Variants in EPS8L3 observed in about 807,000 individuals in gnomAD.
The protein encoded by EPS8L3 is EPS8 signaling adaptor L3, also known as epidermal growth factor receptor kinase substrate 8-like protein 3.
A neutral mutation model predicts 88.5 loss-of-function variants in EPS8L3; 80 were observed. The ratio of observed to expected loss-of-function variants is 0.90; its 90% CI spans 0.75 to 1.09. The LOEUF (loss-of-function observed/expected upper bound fraction) is 1.09. Among genes scored for constraint, EPS8L3 ranks in the 50% least tolerant of loss-of-function variants. The pLI, the probability that EPS8L3 is intolerant of heterozygous loss-of-function variation, is 0.00. For synonymous variants in EPS8L3, 286 were observed against 291.0 expected (o/e 0.98, Z 0.18); for missense variants, 721 against 735.2 (o/e 0.98, Z 0.22).
In EPS8L3 at chr1:109,757,671, G is replaced by A. The variant is rs950666452; in HGVS notation, c.895-116C>T. On this transcript the variant is annotated intron_variant, in intron 10 of 18. Coordinates refer to ENST00000361965, the MANE Select transcript of EPS8L3 (RefSeq NM_133181.4). ...CTGGCACTTCCCAAAAGTCCCAAGA[G>A]GGGAGGGGAGGTTCTAGGGGGAGTA... 6.8e-5 allele frequency: 94 copies of A among 1,384,908 alleles called. No homozygotes were observed. In the Admixed American group the frequency reaches 1.6e-3, roughly 23 times the overall value. The allele number at this position is 1,384,908 out of a possible 1,614,324, so 85.8% of individuals were successfully genotyped here.
chr1:109,753,094 G>A (rs1471152699), intron 13 of EPS8L3, 23 bp downstream of exon 13: 1 of 1,596,552 alleles, frequency 6.3e-7, no homozygotes, highest in Non-Finnish European at 8.6e-7. Context: ...TGTGGGTAGG[G>A]CTCTATGCCA....
chr1:109,758,406 C>T lies in EPS8L3; in HGVS notation c.627G>A (p.Leu209=), dbSNP rs1650524758. The T allele has an allele frequency of 3.1e-6, 5 of 1,610,538 alleles. No homozygotes were observed. The highest frequency in any genetic ancestry group is 1.7e-6 in the Non-Finnish European group (2 of 1,178,204). ...GTTCTCGGGCACTGGTGTGGCGTGG[C>T]AGGGGCCTTGGGGATGGTGGGAGGC... ...EHSLPPSPRP[L]PRHTSAREPS... Residue 209 remains leucine, a synonymous_variant, in exon 8 of 19, where the codon CTG becomes CTA. Transcript: ENST00000361965.
At chr1:109,751,574 C>T (rs1272139588) in intron 16 of EPS8L3, 80 bp downstream of exon 16, 4 of 1,596,794 alleles carry the variant, frequency 2.5e-6, no homozygotes, top group South Asian at 2.2e-5. Flanking sequence ...AGACTATCTC[C>T]TCTGCTTGCC....
rs1002905054 is a variant in EPS8L3 at position 109,759,957 on chromosome 1, G to A, written c.97-121C>T. On this transcript the variant is annotated intron_variant, in intron 3 of 18. Transcript: ENST00000361965. The surrounding 1 kb of genome is among the most constrained non-coding windows in gnomAD (Gnocchi z 4.2). ...TGTCCTCGGCCCCCTTGAGGTAGGA[G>A]GTTCCAGGCTTCAGATAAAGCAACT... 40 of 1,093,232 alleles carry A rather than the reference G, an allele frequency of 3.7e-5. No homozygotes were observed. The highest frequency in any genetic ancestry group is 4.3e-4 in the Middle Eastern group (2 of 4,664). 67.7% of individuals were successfully genotyped at this position (1,093,232 alleles called of 1,614,324 possible).
rs150739953 is a variant in EPS8L3, at chr1:109,761,737, T to C, written c.13A>G (p.Ser5Gly). The C allele has an allele frequency of 1.3e-4, 213 of 1,613,962 alleles. No homozygotes were observed. The African/African-American group carries it at 2.6e-3, about 19-fold the overall frequency. MSRP[S>G]SRAIYLHRKE... ...AGCTTACAGTAAATGGCTCTGCTGC[T>C]GGGCCTTGACATGTTGACGCTGCTG... Residue 5 changes from serine to glycine, a missense_variant, in exon 2 of 19, where the codon AGC (serine) becomes GGC (glycine). Physicochemically the swap from Ser to Gly is moderately conservative, Grantham distance 56. Coordinates refer to ENST00000361965, the MANE Select transcript of EPS8L3 (RefSeq NM_133181.4).
rs140652898 is a variant in EPS8L3 at position 109,756,066 on chromosome 1, A to G, written c.1118+951T>C. 5.3e-5 allele frequency among the ~76,000 whole-genome samples: 8 copies of G among 152,278 alleles called. No individual in the cohort carries two copies. The East Asian group carries it at 1.5e-3, about 29-fold the overall frequency. ...AAACTATGCTTGTCAAGGTACGTTC[A>G]GGGGCTCCCTCTGGAGTGCTCCCCA... On this transcript the variant is annotated intron_variant, in intron 12 of 18. Transcript: ENST00000361965.
chr1:109,752,439 A>G, intron 14 of EPS8L3: 2 of 601,594 alleles, frequency 3.3e-6, no homozygotes, highest in East Asian at 5.5e-5. Context: ...TGCCCTAAGC[A>G]CTTTATACTT....
At position 109,758,518 on chromosome 1, in the gene EPS8L3, A is replaced by T. The variant is rs1417523845; in HGVS notation, c.601+6T>A. On this transcript the variant is annotated splice_donor_region_variant and intron_variant, in intron 7 of 18. Transcript: ENST00000361965. ...TCCTTCACCTGCCCCCATGCCCCAA[A>T]CTTACTGTGCTCTAGGGTCCTCTGG... 6.3e-7 allele frequency: 1 copy of T among 1,576,600 alleles called. No homozygotes were observed. The highest frequency in any genetic ancestry group is 8.6e-7 in the Non-Finnish European group (1 of 1,161,828).
chr1:109,757,740 G>A, intron 10 of EPS8L3, 62 bp downstream of exon 10: 1 of 1,548,694 alleles, frequency 6.5e-7, no homozygotes. Flanking sequence ...CCAGACAGCA[G>A]AGGATTACTG....
In EPS8L3 at chr1:109,757,039, C is replaced by T. The variant is rs1301705227; in HGVS notation, c.1096G>A (p.Gly366Ser). 1.9e-6 allele frequency: 3 copies of T among 1,614,202 alleles called. No homozygotes were observed. The highest frequency in any genetic ancestry group is 2.2e-5 in the South Asian group (2 of 91,076). The change falls in exon 12 of 19, where the codon GGC becomes AGC. Residue 366 changes from glycine to serine, a missense_variant. Gly to Ser is a moderately conservative substitution (Grantham distance 56, BLOSUM62 0). Coordinates refer to ENST00000361965, the MANE Select transcript of EPS8L3 (RefSeq NM_133181.4). ...PPESNLWMGL[G>S]PAWTTSRADW... ...CACCGGCTAGTGGTCCAGGCTGGGCCCAACCCCATCCAAAGGTTACTCTCA... is the reference window on the plus strand; with the variant it reads ...CACCGGCTAGTGGTCCAGGCTGGGCTCAACCCCATCCAAAGGTTACTCTCA...
chr1:109,757,297 G>A (rs892409000), intron 11 of EPS8L3, 132 bp from the exon 12 acceptor site: 11 of 1,208,758 alleles, frequency 9.1e-6, no homozygotes, highest in Non-Finnish European at 1.1e-5. Context: ...GGCCCCATCT[G>A]CCTTGGGCCT....
Position 109,758,414 on chromosome 1 carries a change from T to G in EPS8L3, c.619A>C (p.Arg207=). The change falls in exon 8 of 19, where the codon AGG becomes CGG. Residue 207 remains arginine, a synonymous_variant. Transcript: ENST00000361965. ...TLEHSLPPSP[R]PLPRHTSARE... is the part of the protein sequence containing the mutation. ...GCACTGGTGTGGCGTGGCAGGGGCC[T>G]TGGGGATGGTGGGAGGCCTGCAGTG... The G allele has an allele frequency of 1.2e-6, 2 of 1,608,628 alleles. No individual in the cohort carries two copies. Among genetic ancestry groups the G allele is most frequent in the Non-Finnish European group, 1.7e-6 (2 of 1,177,188 alleles).
Position 109,759,679 on chromosome 1 carries a change from T to G in EPS8L3, c.254A>C (p.Lys85Thr), listed in dbSNP as rs780315221. ...ACTGGGTTTGCTGGGAAGGCTGACC[T>G]TGGTCTCAATGTCCAGCAGCTGCAG... is the stretch of plus-strand genomic sequence containing the variant. The part of the protein sequence containing the change: ...GWLQLLDIET[K>T]EELDSYRLDS... Residue 85 changes from lysine (K) to threonine (T), a missense_variant and splice_region_variant, in exon 4 of 19, where the codon AAG becomes ACG. Physicochemically the swap from Lys to Thr is moderately conservative, Grantham distance 78. Coordinates refer to ENST00000361965, the MANE Select transcript of EPS8L3 (RefSeq NM_133181.4). This position sits in a 1 kb window ranked among gnomAD's most constrained non-coding sequence, Gnocchi z 4.2. 1 of 1,613,504 alleles carries G rather than the reference T, an allele frequency of 6.2e-7. No homozygotes were observed. Among genetic ancestry groups the G allele is most frequent in the Non-Finnish European group, 8.5e-7 (1 of 1,179,904 alleles).
chr1:109,754,652 G>C (rs565611850), intron 12 of EPS8L3, among the ~76,000 whole-genome samples: 12 of 152,280 alleles, frequency 7.9e-5, no homozygotes, highest in Middle Eastern at 3.4e-3. Context: ...TAGAAGTAAG[G>C]CTGGGTTTTG....
chr1:109,756,633 A>G lies in EPS8L3; in HGVS notation c.1118+384T>C, dbSNP rs143238649. Reference sequence around the variant, plus strand: ...TCAGGCTCATTGGTTGCCAAGTCTTACTGATATTACATTTGCAGCATCTCT... The same window carrying G: ...TCAGGCTCATTGGTTGCCAAGTCTTGCTGATATTACATTTGCAGCATCTCT... On this transcript the variant is annotated intron_variant, in intron 12 of 18. Coordinates refer to ENST00000361965, the MANE Select transcript of EPS8L3 (RefSeq NM_133181.4). Among the ~76,000 whole-genome samples, 3 of 152,310 alleles carry G rather than the reference A, an allele frequency of 2.0e-5. No homozygotes were observed. In the East Asian group the frequency reaches 5.8e-4, roughly 29 times the overall value.
Position 109,758,562 on chromosome 1 carries a change from A to C in EPS8L3, c.563T>G (p.Ile188Ser). 6.2e-7 allele frequency: 1 copy of C among 1,612,660 alleles called. No homozygotes were observed. The highest frequency in any genetic ancestry group is 1.1e-5 in the South Asian group (1 of 90,854). The change falls in exon 7 of 19, where the codon ATC (isoleucine) becomes AGC (serine). Residue 188 changes from isoleucine (I) to serine (S), a missense_variant. Physicochemically the swap from Ile to Ser is moderately radical, Grantham distance 142. Transcript: ENST00000361965. ...CCTCTGGTGGGGCTGTTCTGGAGGG[A>C]TCCCCGGCTCCAGATAGCGTGCCTG... ...MEQARYLEPGIPPEQPHQRTL... is the reference protein window; with the variant it reads ...MEQARYLEPGSPPEQPHQRTL...
At position 109,750,671 on chromosome 1, in the gene EPS8L3, T is replaced by C; in HGVS notation, c.1759A>G (p.Arg587Gly). The C allele has an allele frequency of 6.2e-7, 1 of 1,614,218 alleles. No homozygotes were observed. Among genetic ancestry groups the C allele is most frequent in the Non-Finnish European group, 8.5e-7 (1 of 1,180,028 alleles). Residue 587 changes from arginine (R) to glycine (G), a missense_variant, in exon 18 of 19, where the codon AGG becomes GGG. Arg to Gly is a moderately radical substitution (Grantham distance 125). Coordinates refer to ENST00000361965, the MANE Select transcript of EPS8L3 (RefSeq NM_133181.4). ...RILSRLEAVR[R>G]MLGISP ...CAGGGTGTCCTCACCCCCAGCATCC[T>C]TCTGACAGCCTCCAGCCGGGACAGG...
At position 109,759,859 on chromosome 1, in the gene EPS8L3, A is replaced by T; in HGVS notation, c.97-23T>A. On this transcript the variant is annotated intron_variant, in intron 3 of 18. Coordinates refer to ENST00000361965, the MANE Select transcript of EPS8L3 (RefSeq NM_133181.4). This position sits in a 1 kb window ranked among gnomAD's most constrained non-coding sequence, Gnocchi z 4.2. ...GTGCTGCAGGGAGAGGGGGAGTCCT[A>T]GGACTGGGAGAAAGCTCAGAGAGGT... 1 of 1,611,004 alleles carries T rather than the reference A, an allele frequency of 6.2e-7. No individual in the cohort carries two copies. Among genetic ancestry groups the T allele is most frequent in the Non-Finnish European group, 8.5e-7 (1 of 1,178,736 alleles).
rs764905394 is a variant in EPS8L3 at position 109,759,560 on chromosome 1, T to C, written c.255+118A>G. ...CCCTGTCTCTTCCTAGGCTTGGGTG[T>C]GTGTTGTATGTGGGGAGAGTGGCTG... On this transcript the variant is annotated intron_variant, in intron 4 of 18. Transcript: ENST00000361965. The surrounding 1 kb of genome is among the most constrained non-coding windows in gnomAD (Gnocchi z 4.2). The C allele has an allele frequency of 6.6e-5, 97 of 1,473,866 alleles. No individual in the cohort carries two copies. Among genetic ancestry groups the C allele is most frequent in the Non-Finnish European group, 8.4e-5 (92 of 1,094,514 alleles). The allele number at this position is 1,473,866 out of a possible 1,614,324, so 91.3% of individuals were successfully genotyped here.
Sources: allele counts gnomAD v4.1 joint callset (sites outside exome capture counted in the v4.1 genomes callset), GRCh38; gene constraint gnomAD v4.1.1; non-coding constraint Gnocchi (gnomAD v3.1); transcripts MANE v1.5; gene names NCBI Gene and HGNC (gene_info 2026-07-23, HGNC 2026-07-21).